The following ARMC2 variants were observed in gnomAD, a reference collection of about 807,000 sequenced individuals.
The protein encoded by ARMC2 is armadillo repeat containing 2, also known as armadillo repeat-containing protein 2.
A neutral mutation model predicts 90.3 loss-of-function variants in ARMC2; 67 were observed. That is an observed-to-expected ratio of 0.74 (90% CI 0.61 to 0.91). ARMC2 has a LOEUF of 0.91. Among genes scored for constraint, ARMC2 ranks in the 40% least tolerant of loss-of-function variants. The probability of loss-of-function intolerance (pLI) is 0.00; values close to 1 mark genes in which losing one functional copy is unlikely to be tolerated. For synonymous variants in ARMC2, 393 were observed against 393.0 expected (o/e 1.00, Z 0.00); for missense variants, 920 against 1,030.9 (o/e 0.89, Z 1.47).
At chr6:108,973,153 C>G (rs905517136) in intron 17 of ARMC2, among the ~76,000 whole-genome samples, 10 of 151,896 alleles carry the variant, frequency 6.6e-5, no homozygotes, top group African/African-American at 2.2e-4. Flanking sequence ...ACATGGAGAC[C>G]CTGCCTCTCC....
At chr6:108,892,458 TA>T (rs1019523051) in intron 5 of ARMC2, among the ~76,000 whole-genome samples, 305 of 149,650 alleles carry the variant, frequency 2.0e-3, no homozygotes, top group African/African-American at 5.0e-3. Context: ...GTTAAGTGTT[TA>T]AAAAAAAAAT....
At chr6:108,993,734 T>A in the ARMC2 span, among the ~76,000 whole-genome samples, 1 of 152,250 alleles carries the variant, frequency 6.6e-6, no homozygotes, top group Admixed American at 6.5e-5. Flanking sequence ...TTTTCACAAA[T>A]CATATAATTT....
chr6:109,007,407 C>G, the ARMC2 span, among the ~76,000 whole-genome samples: 1 of 152,158 alleles, frequency 6.6e-6, no homozygotes, highest in Admixed American at 6.5e-5. Context: ...TACCCACCTG[C>G]AAAATTAGTT....
the ARMC2 span, among the ~76,000 whole-genome samples, chr6:109,049,520 A>G: frequency 6.6e-6 from 1 of 152,098 alleles, no homozygotes; most frequent in African/African-American, 2.4e-5. Flanking sequence ...AAACAGCTAG[A>G]AGAGAGGAAA....
At chr6:109,011,738 C>T in the ARMC2 span, among the ~76,000 whole-genome samples, 3 of 151,652 alleles carry the variant, frequency 2.0e-5, no homozygotes, top group Non-Finnish European at 4.4e-5. Flanking sequence ...AAGTGATCCT[C>T]CCACCTCAGC....
At chr6:108,933,298 T>A (rs1370579912) in intron 11 of ARMC2, among the ~76,000 whole-genome samples, 1 of 152,186 alleles carries the variant, frequency 6.6e-6, no homozygotes, top group Non-Finnish European at 1.5e-5. Context: ...TGGTTAGCTG[T>A]ATTCTCAGGT....
chr6:108,944,791 G>A (rs1583185725), intron 12 of ARMC2, among the ~76,000 whole-genome samples: 1 of 147,298 alleles, frequency 6.8e-6, no homozygotes, highest in African/African-American at 2.7e-5. Flanking sequence ...CCATCTGTAT[G>A]TGATGGTTAT....
At chr6:108,935,490 G>A (rs565877018) in intron 11 of ARMC2, among the ~76,000 whole-genome samples, 1 of 152,100 alleles carries the variant, frequency 6.6e-6, no homozygotes, top group South Asian at 2.1e-4. Context: ...CACCCAGGCT[G>A]GAGTGCAGTG....
intron 10 of ARMC2, among the ~76,000 whole-genome samples, chr6:108,914,446 ACCACCACCTG>A (rs1469427585): frequency 5.3e-5 from 8 of 151,846 alleles, no homozygotes; most frequent in Non-Finnish European, 5.9e-5. Context: ...CTCACTGCCC[ACCACCACCTG>A]CCACCACCTG....
chr6:108,904,441 T>A, intron 8 of ARMC2, 36 bp downstream of exon 8: 1 of 1,524,276 alleles, frequency 6.6e-7, no homozygotes, highest in Non-Finnish European at 8.9e-7. Context: ...GTAGACTATA[T>A]CACATAAAAG....
the ARMC2 span, among the ~76,000 whole-genome samples, chr6:109,007,517 A>C: frequency 6.6e-6 from 1 of 152,176 alleles, no homozygotes; most frequent in African/African-American, 2.4e-5. Flanking sequence ...TTATTTTTTA[A>C]ATTCAAAAGC....
the ARMC2 span, among the ~76,000 whole-genome samples, chr6:108,984,087 G>A: frequency 0.01 from 1,543 of 152,250 alleles, 33 homozygotes; most frequent in African/African-American, 0.035. Context: ...TGTGGGTTGT[G>A]CACTCCTTGT....
At chr6:108,989,968 T>C in the ARMC2 span, among the ~76,000 whole-genome samples, 1 of 152,214 alleles carries the variant, frequency 6.6e-6, no homozygotes, top group African/African-American at 2.4e-5. Context: ...TTAAAGTTGG[T>C]CAGCTGTACT....
chr6:108,966,383 G>A (rs1778375845), intron 17 of ARMC2, among the ~76,000 whole-genome samples: 3 of 152,066 alleles, frequency 2.0e-5, no homozygotes, highest in Admixed American at 2.0e-4. Context: ...AGATTGCAGG[G>A]TGATAAATGA....
chr6:108,884,533 A>AT lies in ARMC2; in HGVS notation c.671+8187dup, dbSNP rs562473094. On this transcript the variant is annotated intron_variant, in intron 5 of 17. Transcript: ENST00000392644. ...TAGAGTAGTTGGGATTTGGGGGTGC[A>AT]TTTTGAAGGTTGATTTTCGTGAGGG... Among the ~76,000 whole-genome samples the AT allele has an allele frequency of 2.8e-4, 43 of 152,298 alleles. No homozygotes were observed. In the East Asian group the frequency reaches 4.1e-3, roughly 14 times the overall value.
the ARMC2 span, chr6:108,987,674 T>G: frequency 3.7e-6 from 4 of 1,070,564 alleles, no homozygotes; most frequent in Non-Finnish European, 5.7e-6. Context: ...GTTACAAGCA[T>G]TCACAATCAG....
At chr6:109,001,729 CAG>C in the ARMC2 span, among the ~76,000 whole-genome samples, 7 of 152,138 alleles carry the variant, frequency 4.6e-5, no homozygotes, top group Admixed American at 4.6e-4. Context: ...AGGCTGCTTG[CAG>C]AGTTGGCCAG....
intron 12 of ARMC2, among the ~76,000 whole-genome samples, chr6:108,942,946 T>C (rs186308268): frequency 1.3e-5 from 2 of 152,138 alleles, no homozygotes; most frequent in Non-Finnish European, 2.9e-5. Flanking sequence ...TAGTGATAAA[T>C]GAAATGTCAC....
At chr6:109,013,979 TA>T in the ARMC2 span, among the ~76,000 whole-genome samples, 1 of 152,132 alleles carries the variant, frequency 6.6e-6, no homozygotes, top group African/African-American at 2.4e-5. Flanking sequence ...CACTGAACTT[TA>T]AACTGATCCT....
Sources: gnomAD v4.1 joint callset for allele counts (sites outside exome capture counted in the v4.1 genomes callset) on GRCh38, gnomAD v4.1.1 for gene constraint, MANE v1.5 for transcripts, NCBI Gene and HGNC (gene_info 2026-07-23, HGNC 2026-07-21) for gene names.